ZNF385B: variants seen among roughly 807,000 people sequenced by gnomAD.
The protein encoded by ZNF385B is zinc finger protein 385B, also known as zinc finger protein 533.
Under a neutral mutation model 39.2 loss-of-function variants are expected in ZNF385B, and 23 were observed. The observed-to-expected ratio is 0.59, with a 90% CI of 0.42 to 0.83. The LOEUF is 0.83. ZNF385B is among the 40% of genes least tolerant of loss of function. The probability of loss-of-function intolerance (pLI) is 0.00; values close to 1 mark genes in which losing one functional copy is unlikely to be tolerated. For missense variants in ZNF385B, 552 were observed against 598.9 expected (o/e 0.92, Z 0.82); for synonymous variants, 205 against 222.6 (o/e 0.92, Z 0.70).
chr2:179,594,372 T>C (rs757195343), intron 3 of ZNF385B, among the ~76,000 whole-genome samples: 2 of 152,202 alleles, frequency 1.3e-5, no homozygotes, highest in African/African-American at 2.4e-5. Flanking sequence ...CAAATGGCAG[T>C]ATGCTAATTT....
intron 1 of ZNF385B, among the ~76,000 whole-genome samples, chr2:179,810,578 A>G (rs1706671056): frequency 1.3e-5 from 2 of 152,020 alleles, no homozygotes; most frequent in Admixed American, 1.3e-4. Context: ...GTAAATAAAT[A>G]TGGATCCACA....
rs56086105 is a variant in ZNF385B at position 179,777,272 on chromosome 2, C to T, written c.-154-6600G>A. The stretch of plus-strand genomic sequence containing the variant: ...TCAGATAAAACTAGAATTGAAAGTA[C>T]TAATTTATGCTTATGACATTGAGAC... On this transcript the variant is annotated intron_variant, in intron 1 of 9. Coordinates refer to ENST00000410066, the MANE Select transcript of ZNF385B (RefSeq NM_152520.6). Among the ~76,000 whole-genome samples the T allele has an allele frequency of 2.1e-3, 326 of 152,120 alleles. 2 individuals carry two copies. The highest frequency in any genetic ancestry group is 7.5e-3 in the African/African-American group (313 of 41,524).
chr2:179,570,980 G>A (rs1546603), intron 3 of ZNF385B, among the ~76,000 whole-genome samples: 131,130 of 152,260 alleles, frequency 0.86, 56,618 homozygotes, highest in East Asian at 0.99. Flanking sequence ...GGACTCTACA[G>A]TGAATCTTTC....
At chr2:179,586,464 G>C (rs1027749385) in intron 3 of ZNF385B, among the ~76,000 whole-genome samples, 22 of 152,056 alleles carry the variant, frequency 1.4e-4, no homozygotes, top group African/African-American at 5.3e-4. Context: ...TTACCAATAA[G>C]GAAACAAGGC....
chr2:179,742,010 C>A (rs1354890287), intron 3 of ZNF385B, among the ~76,000 whole-genome samples: 15 of 151,960 alleles, frequency 9.9e-5, no homozygotes. Context: ...GTATCTCAAA[C>A]CTGCTAAAGA....
intron 3 of ZNF385B, among the ~76,000 whole-genome samples, chr2:179,603,323 C>T (rs1377254405): frequency 1.3e-5 from 2 of 152,138 alleles, no homozygotes; most frequent in Non-Finnish European, 2.9e-5. Flanking sequence ...CCACACAGGG[C>T]TTAGCAGAGT....
At chr2:179,532,035 C>T (rs2059283778) in intron 4 of ZNF385B, among the ~76,000 whole-genome samples, 2 of 152,196 alleles carry the variant, frequency 1.3e-5, no homozygotes, top group African/African-American at 4.8e-5. Flanking sequence ...TAATAGAGTG[C>T]TTCACTCTGC....
At chr2:179,723,882 T>C (rs753725474) in intron 3 of ZNF385B, among the ~76,000 whole-genome samples, 13 of 152,158 alleles carry the variant, frequency 8.5e-5, no homozygotes, top group Non-Finnish European at 1.6e-4. Flanking sequence ...TGGTTATCAA[T>C]TGGGACCAAA....
At chr2:179,489,992 T>C (rs1372938454) in intron 5 of ZNF385B, among the ~76,000 whole-genome samples, 3 of 152,268 alleles carry the variant, frequency 2.0e-5, no homozygotes, top group African/African-American at 7.2e-5. Flanking sequence ...GCCATCACAC[T>C]GCATAACTCT....
intron 3 of ZNF385B, among the ~76,000 whole-genome samples, chr2:179,665,482 C>G (rs899719294): frequency 2.0e-5 from 3 of 152,126 alleles, no homozygotes; most frequent in Non-Finnish European, 4.4e-5. Context: ...TTAACTTGGA[C>G]AAAGGCAATA....
chr2:179,492,448 G>C (rs989420552), intron 5 of ZNF385B, among the ~76,000 whole-genome samples: 1 of 151,940 alleles, frequency 6.6e-6, no homozygotes, highest in Non-Finnish European at 1.5e-5. Context: ...CAGTCCAGAA[G>C]GTATTACACT....
chr2:179,636,813 A>G (rs1006341764), intron 3 of ZNF385B, among the ~76,000 whole-genome samples: 2 of 152,136 alleles, frequency 1.3e-5, no homozygotes, highest in Admixed American at 1.3e-4. Context: ...TCCTCAGTAC[A>G]CACACACAGA....
intron 6 of ZNF385B, among the ~76,000 whole-genome samples, chr2:179,476,859 C>T (rs1377133281): frequency 6.6e-6 from 1 of 152,054 alleles, no homozygotes; most frequent in African/African-American, 2.4e-5. Flanking sequence ...GACTATACCC[C>T]AGAACTTCAG....
intron 1 of ZNF385B, among the ~76,000 whole-genome samples, chr2:179,803,630 A>T (rs144312109): frequency 6.6e-6 from 1 of 152,332 alleles, no homozygotes; most frequent in East Asian, 1.9e-4. Flanking sequence ...GACTATGACC[A>T]ACATACATGT....
At chr2:179,750,841 A>C (rs903454991) in intron 3 of ZNF385B, among the ~76,000 whole-genome samples, 3 of 152,124 alleles carry the variant, frequency 2.0e-5, no homozygotes, top group African/African-American at 7.2e-5. Context: ...TACATTCACC[A>C]TGGTAATTAT....
intron 1 of ZNF385B, among the ~76,000 whole-genome samples, chr2:179,804,780 C>T (rs1706247536): frequency 6.6e-6 from 1 of 152,168 alleles, no homozygotes; most frequent in African/African-American, 2.4e-5. Flanking sequence ...CCTTGTGACT[C>T]CACAGCACAA....
chr2:179,472,304 C>A (rs575955506), intron 6 of ZNF385B, among the ~76,000 whole-genome samples: 1 of 152,234 alleles, frequency 6.6e-6, no homozygotes, highest in Admixed American at 6.5e-5. Flanking sequence ...AAGAAATAAG[C>A]AAATAACTTT....
In ZNF385B at chr2:179,444,988, T is replaced by G. The variant is rs778385833; in HGVS notation, c.1141-11A>C. On this transcript the variant is annotated splice_polypyrimidine_tract_variant and intron_variant, in intron 8 of 9. Coordinates refer to ENST00000410066, the MANE Select transcript of ZNF385B (RefSeq NM_152520.6). The stretch of plus-strand genomic sequence containing the variant: ...TCGGCTAGAAATGTGCTGAAAAAGT[T>G]TGATGCATTAGCTGGACTGAAATGT... 6.2e-7 allele frequency: 1 copy of G among 1,610,466 alleles called. No homozygotes were observed. The highest frequency in any genetic ancestry group is 2.2e-5 in the East Asian group (1 of 44,868).
rs188531273 is a variant in ZNF385B at position 179,817,900 on chromosome 2, T to C, written c.-155+43201A>G. On this transcript the variant is annotated intron_variant, in intron 1 of 9. Transcript: ENST00000410066. Reference sequence around the variant, plus strand: ...GCAATTTTCCCCTTGGAAAAGTGGGTAGAACACTGTTGGCTACACAAACTT... The same window carrying C: ...GCAATTTTCCCCTTGGAAAAGTGGGCAGAACACTGTTGGCTACACAAACTT... Among the ~76,000 whole-genome samples, 61 of 152,278 alleles carry C rather than the reference T, an allele frequency of 4.0e-4. 1 individual carries two copies. The South Asian group carries it at 6.4e-3, about 16-fold the overall frequency.
Sources: allele counts gnomAD v4.1 joint callset (sites outside exome capture counted in the v4.1 genomes callset), GRCh38; gene constraint gnomAD v4.1.1; transcripts MANE v1.5; gene names NCBI Gene and HGNC (gene_info 2026-07-23, HGNC 2026-07-21).